The following CAMTA1 variants were observed in gnomAD, a reference collection of about 807,000 sequenced individuals.
The protein encoded by CAMTA1 is calmodulin binding transcription activator 1.
A neutral mutation model predicts 170.9 loss-of-function variants in CAMTA1; 27 were observed. The ratio of observed to expected loss-of-function variants is 0.16; its 90% CI spans 0.12 to 0.22. CAMTA1 has a LOEUF of 0.22. Ranked by LOEUF, CAMTA1 falls within the 10% of genes least tolerant of loss-of-function variation. The pLI is 1.00. For missense variants in CAMTA1, 1,619 were observed against 2,217.2 expected (o/e 0.73, Z 5.42); for synonymous variants, 833 against 891.5 (o/e 0.93, Z 1.17).
chr1:7,221,907 A>ACACACACACC (rs1660845630), intron 4 of CAMTA1, among the ~76,000 whole-genome samples: 1 of 96,668 alleles, frequency 1.0e-5, no homozygotes, highest in African/African-American at 6.3e-5. Context: ...GCTGGTGCAT[A>ACACACACACC]CACACACACA....
At chr1:7,514,041 A>G (rs1435242682) in intron 6 of CAMTA1, among the ~76,000 whole-genome samples, 3 of 152,192 alleles carry the variant, frequency 2.0e-5, no homozygotes, top group Non-Finnish European at 2.9e-5. Flanking sequence ...TTGTATCAGC[A>G]ATGAGCCTTT....
At chr1:7,157,204 G>T (rs1373924835) in intron 4 of CAMTA1, among the ~76,000 whole-genome samples, 1 of 151,680 alleles carries the variant, frequency 6.6e-6, no homozygotes, top group Non-Finnish European at 1.5e-5. Context: ...AATTAGCCGG[G>T]CGTGGTGGCA....
intron 5 of CAMTA1, among the ~76,000 whole-genome samples, chr1:7,353,691 T>C (rs1484610262): frequency 2.0e-5 from 3 of 152,178 alleles, no homozygotes; most frequent in Non-Finnish European, 4.4e-5. Flanking sequence ...GCTAAAGTGC[T>C]GGGATTACAG....
intron 4 of CAMTA1, among the ~76,000 whole-genome samples, chr1:7,125,879 G>A (rs946129250): frequency 2.6e-5 from 4 of 152,174 alleles, no homozygotes; most frequent in Admixed American, 6.5e-5. Context: ...AAGCCCCAAC[G>A]CCCAGTGTGT....
chr1:7,266,414 G>A (rs531908620), intron 5 of CAMTA1, among the ~76,000 whole-genome samples: 1 of 152,326 alleles, frequency 6.6e-6, no homozygotes, highest in Non-Finnish European at 1.5e-5. Flanking sequence ...AGAGACAAAG[G>A]GATGTCTGCC....
At chr1:6,794,678 G>GT (rs929369397) in intron 1 of CAMTA1, among the ~76,000 whole-genome samples, 1 of 152,100 alleles carries the variant, frequency 6.6e-6, no homozygotes, top group African/African-American at 2.4e-5. Flanking sequence ...CTAGGAATCA[G>GT]TTACTTAAGT....
chr1:7,030,934 A>C (rs961625233), intron 3 of CAMTA1, among the ~76,000 whole-genome samples: 2 of 149,862 alleles, frequency 1.3e-5, no homozygotes, highest in African/African-American at 4.9e-5. Flanking sequence ...TCCCGGGTTC[A>C]CGCCATTCTC....
At chr1:7,037,647 G>A (rs1703807962) in intron 3 of CAMTA1, among the ~76,000 whole-genome samples, 1 of 152,124 alleles carries the variant, frequency 6.6e-6, no homozygotes, top group Admixed American at 6.5e-5. Flanking sequence ...AGACTATCCT[G>A]GCTAACACGG....
chr1:7,326,579 G>C (rs1019356581), intron 5 of CAMTA1, among the ~76,000 whole-genome samples: 1 of 152,174 alleles, frequency 6.6e-6, no homozygotes, highest in African/African-American at 2.4e-5. Flanking sequence ...AGGAAAAAAC[G>C]TGAAGTGATG....
At chr1:7,660,697 TG>T (rs1296060784) in intron 7 of CAMTA1, among the ~76,000 whole-genome samples, 1 of 152,094 alleles carries the variant, frequency 6.6e-6, no homozygotes, top group Non-Finnish European at 1.5e-5. Context: ...CTGGAGCTGG[TG>T]GGAGAGGAGC....
chr1:7,212,520 G>T (rs766691075), intron 4 of CAMTA1, among the ~76,000 whole-genome samples: 20 of 151,950 alleles, frequency 1.3e-4, no homozygotes, highest in Non-Finnish European at 2.2e-4. Context: ...TTTGCACATT[G>T]CATTTTTTTA....
intron 3 of CAMTA1, among the ~76,000 whole-genome samples, chr1:6,850,061 G>A (rs1659810224): frequency 6.7e-6 from 1 of 148,818 alleles, no homozygotes; most frequent in Non-Finnish European, 1.5e-5. Flanking sequence ...AAAAAAGTTA[G>A]TTTAGGTCCC....
In CAMTA1 at chr1:7,665,082, C is replaced by T. The variant is rs2095989627; in HGVS notation, c.2535C>T (p.Tyr845=). The T allele has an allele frequency of 9.7e-6, 15 of 1,552,946 alleles. No homozygotes were observed. The highest frequency in any genetic ancestry group is 1.3e-5 in the Non-Finnish European group (15 of 1,149,714). ...AGGGCGGGGCCAGCACCATGGCCTA[C>T]ATGCACGTCGCCGAGGTGGTCTCGG... ...SSEGGASTMA[Y]MHVAEVVSAA... The change falls in exon 9 of 23, where the codon TAC becomes TAT. Residue 845 remains tyrosine (Y), a synonymous_variant. Transcript: ENST00000303635. This position sits in a 1 kb window ranked among gnomAD's most constrained non-coding sequence, Gnocchi z 4.3.
intron 5 of CAMTA1, among the ~76,000 whole-genome samples, chr1:7,428,459 G>A (rs140266894): frequency 8.0e-4 from 122 of 152,182 alleles, no homozygotes; most frequent in Non-Finnish European, 1.0e-3. Flanking sequence ...GGATTGTGTG[G>A]CTCTCATGAC....
chr1:7,162,871 T>A (rs939004539), intron 4 of CAMTA1, among the ~76,000 whole-genome samples: 2 of 152,158 alleles, frequency 1.3e-5, no homozygotes, highest in South Asian at 2.1e-4. Flanking sequence ...GCTGATCTTT[T>A]GAGGAGCTGC....
At chr1:7,433,054 G>A (rs1286998051) in intron 5 of CAMTA1, among the ~76,000 whole-genome samples, 1 of 152,228 alleles carries the variant, frequency 6.6e-6, no homozygotes, top group East Asian at 1.9e-4. Flanking sequence ...CACCGGGTAT[G>A]CCGGCCCCCA....
At chr1:7,576,409 G>C (rs900165532) in intron 6 of CAMTA1, among the ~76,000 whole-genome samples, 1 of 152,132 alleles carries the variant, frequency 6.6e-6, no homozygotes, top group African/African-American at 2.4e-5. Flanking sequence ...TAGGAAGTGG[G>C]GATTTGGAGC....
At chr1:6,791,684 C>T (rs1641141922) in intron 1 of CAMTA1, among the ~76,000 whole-genome samples, 1 of 152,190 alleles carries the variant, frequency 6.6e-6, no homozygotes, top group Non-Finnish European at 1.5e-5. Flanking sequence ...AGCATTCTTG[C>T]TCTGCTACTT....
chr1:7,235,127 C>G (rs1663575925), intron 4 of CAMTA1, among the ~76,000 whole-genome samples: 1 of 152,120 alleles, frequency 6.6e-6, no homozygotes, highest in South Asian at 2.1e-4. Context: ...TCTGGAAGCC[C>G]TAGCCACCCT....
Sources: gnomAD v4.1 joint callset for allele counts (sites outside exome capture counted in the v4.1 genomes callset) on GRCh38, gnomAD v4.1.1 for gene constraint, Gnocchi (gnomAD v3.1) non-coding constraint, MANE v1.5 for transcripts, NCBI Gene and HGNC (gene_info 2026-07-23, HGNC 2026-07-21) for gene names.